XIRP2: variants seen among roughly 807,000 people sequenced by gnomAD.
The protein encoded by XIRP2 is xin actin binding repeat containing 2, also known as xin actin-binding repeat-containing protein 2.
In XIRP2, 236 loss-of-function variants were observed where a neutral mutation model predicts 277.0. That is an observed-to-expected ratio of 0.85 (90% CI 0.77 to 0.95). The LOEUF (loss-of-function observed/expected upper bound fraction) is 0.95, where lower values mean the gene tolerates loss of function less well. Among genes scored for constraint, XIRP2 ranks in the 40% least tolerant of loss-of-function variants. The pLI is 0.00. For synonymous variants in XIRP2, 1,490 were observed against 1,416.5 expected (o/e 1.05, Z -1.17); for missense variants, 4,640 against 4,157.5 (o/e 1.12, Z -3.19).
At chr2:166,976,508 C>A (rs1021800003) in intron 2 of XIRP2, among the ~76,000 whole-genome samples, 1 of 152,148 alleles carries the variant, frequency 6.6e-6, no homozygotes, top group African/African-American at 2.4e-5. Flanking sequence ...GGAGTAGTCA[C>A]AAAATGCAAC....
chr2:167,190,183 C>G (rs1184334690), intron 3 of XIRP2, among the ~76,000 whole-genome samples: 2 of 152,162 alleles, frequency 1.3e-5, no homozygotes, highest in Non-Finnish European at 2.9e-5. Flanking sequence ...GCTCACCAAA[C>G]CCTGTCCTTT....
chr2:167,044,487 C>T (rs1343685064), intron 2 of XIRP2, among the ~76,000 whole-genome samples: 2 of 152,090 alleles, frequency 1.3e-5, no homozygotes, highest in Non-Finnish European at 2.9e-5. Context: ...CAAACTGTCT[C>T]TCATCACAGA....
chr2:166,913,310 ACCC>A (rs58517509), intron 2 of XIRP2, among the ~76,000 whole-genome samples: 1 of 114,940 alleles, frequency 8.7e-6, no homozygotes, highest in Non-Finnish European at 1.9e-5. Context: ...AATGGTGGGC[ACCC>A]CCCCCCCCCA....
intron 2 of XIRP2, among the ~76,000 whole-genome samples, chr2:167,005,892 GATCAGA>G (rs1350669600): frequency 1.3e-5 from 2 of 151,800 alleles, no homozygotes; most frequent in Admixed American, 1.3e-4. Context: ...CAACCTTCTG[GATCAGA>G]ATCAGAGTAT....
intron 2 of XIRP2, among the ~76,000 whole-genome samples, chr2:167,082,590 C>T (rs1689770466): frequency 1.3e-5 from 2 of 152,212 alleles, no homozygotes; most frequent in African/African-American, 4.8e-5. Flanking sequence ...TATTTCTCCA[C>T]ATGCTCTCCA....
At chr2:167,194,491 G>A (rs956696612) in intron 3 of XIRP2, among the ~76,000 whole-genome samples, 2 of 151,776 alleles carry the variant, frequency 1.3e-5, no homozygotes, top group African/African-American at 2.4e-5. Flanking sequence ...TTCTATTAAT[G>A]ACATCTGAAC....
chr2:167,031,748 G>A (rs1688355707), intron 2 of XIRP2, among the ~76,000 whole-genome samples: 2 of 152,216 alleles, frequency 1.3e-5, no homozygotes, highest in South Asian at 4.1e-4. Context: ...ACTTAAAAGG[G>A]ATGTGAAGGA....
intron 3 of XIRP2, among the ~76,000 whole-genome samples, chr2:167,136,451 A>T (rs116727398): frequency 0.038 from 5,855 of 152,240 alleles, 122 homozygotes; most frequent in Non-Finnish European, 0.05. Flanking sequence ...GTAGCAAAAT[A>T]AAAAAATAAA....
chr2:167,230,597 C>G (rs2105416448), intron 5 of XIRP2, among the ~76,000 whole-genome samples: 1 of 152,148 alleles, frequency 6.6e-6, no homozygotes, highest in Middle Eastern at 3.4e-3. Context: ...TGATGGGATT[C>G]TAGCTAGTAT....
chr2:167,184,594 A>G (rs1356296245), intron 3 of XIRP2: 1 of 717,488 alleles, frequency 1.4e-6, no homozygotes, highest in Admixed American at 2.0e-5. Context: ...TGCATCCAAA[A>G]TTGACAAAGA....
rs1559041929 is a variant in XIRP2 at position 167,247,571 on chromosome 2, AC to A, written c.6180del (p.Asp2060GlufsTer20). Reference sequence around the variant, plus strand: ...AAATCTAATGTTTTGGAATCAGGAGACAAAACGGGTGTCTGGACTGATACTA... The same window carrying A: ...AAATCTAATGTTTTGGAATCAGGAGAAAAACGGGTGTCTGGACTGATACTA... ...HHKSNVLESG[D>X]KTGVWTDTTG... On this transcript the variant is annotated frameshift_variant, in exon 9 of 11. Coordinates refer to ENST00000409195, the MANE Select transcript of XIRP2 (RefSeq NM_152381.6). LOFTEE classifies it high-confidence loss of function. 1 of 1,613,710 alleles carries A rather than the reference AC, an allele frequency of 6.2e-7. No homozygotes were observed. Among genetic ancestry groups the A allele is most frequent in the Non-Finnish European group, 8.5e-7 (1 of 1,179,770 alleles).
chr2:166,912,574 A>C (rs1684740608), intron 2 of XIRP2, among the ~76,000 whole-genome samples: 1 of 151,912 alleles, frequency 6.6e-6, no homozygotes, highest in Admixed American at 6.6e-5. Context: ...TAGCTTGGAG[A>C]AGTTTGATCG....
intron 2 of XIRP2, among the ~76,000 whole-genome samples, chr2:166,998,838 G>A (rs1304107518): frequency 6.6e-6 from 1 of 152,100 alleles, no homozygotes; most frequent in Non-Finnish European, 1.5e-5. Flanking sequence ...CCCCTTGGTG[G>A]ATCCCTGAAC....
intron 2 of XIRP2, among the ~76,000 whole-genome samples, chr2:167,084,212 TC>T (rs1310799515): frequency 1.3e-5 from 2 of 152,182 alleles, no homozygotes; most frequent in Admixed American, 6.6e-5. Context: ...GTGGTTTTTG[TC>T]TTTGGTTCTG....
chr2:167,012,505 A>T (rs1393970136), intron 2 of XIRP2, among the ~76,000 whole-genome samples: 2 of 151,704 alleles, frequency 1.3e-5, no homozygotes, highest in African/African-American at 4.8e-5. Context: ...CTTCTTTCTG[A>T]TAGCTGTTAA....
intron 2 of XIRP2, among the ~76,000 whole-genome samples, chr2:167,032,631 C>A (rs919231283): frequency 6.6e-6 from 1 of 151,966 alleles, no homozygotes; most frequent in African/African-American, 2.4e-5. Context: ...AAATTGTGGG[C>A]AAATGATATG....
chr2:167,025,832 A>G (rs1688136213), intron 2 of XIRP2, among the ~76,000 whole-genome samples: 2 of 151,882 alleles, frequency 1.3e-5, no homozygotes, highest in Admixed American at 1.3e-4. Context: ...GTTTGTTATA[A>G]TTTCTGTTCT....
chr2:167,247,860 A>T lies in XIRP2; in HGVS notation c.6468A>T (p.Thr2156=). The part of the protein sequence containing the change: ...KTKNIKILTD[T]QSSKPSPTQH... ...AAAATATTAAAATATTAACTGATAC[A>T]CAAAGCTCCAAGCCCAGTCCCACCC... Residue 2156 remains threonine (T), a synonymous_variant, in exon 9 of 11, where the codon ACA becomes ACT. Transcript: ENST00000409195. 6.2e-7 allele frequency: 1 copy of T among 1,613,402 alleles called. No homozygotes were observed. The highest frequency in any genetic ancestry group is 8.5e-7 in the Non-Finnish European group (1 of 1,179,708).
At chr2:167,218,425 G>A in intron 5 of XIRP2, 125 bp downstream of exon 5, 1 of 985,986 alleles carries the variant, frequency 1.0e-6, no homozygotes, top group Non-Finnish European at 1.3e-6. Context: ...AAACACTGTA[G>A]CTTTGAAATG....
Sources: allele counts gnomAD v4.1 joint callset (sites outside exome capture counted in the v4.1 genomes callset), GRCh38; gene constraint gnomAD v4.1.1; transcripts MANE v1.5; gene names NCBI Gene and HGNC (gene_info 2026-07-23, HGNC 2026-07-21).